The following IGSF10 variants were observed in gnomAD, a reference collection of about 807,000 sequenced individuals.
IGSF10 encodes the protein immunoglobulin superfamily member 10.
In IGSF10, 126 loss-of-function variants were observed where a neutral mutation model predicts 128.2. That is an observed-to-expected ratio of 0.98 (90% CI 0.85 to 1.14). IGSF10 has a LOEUF of 1.14. IGSF10 is among the 50% of genes most tolerant of loss of function. The pLI is 0.00. For missense variants in IGSF10, 3,295 were observed against 3,149.8 expected (o/e 1.05, Z -1.10); for synonymous variants, 1,185 against 1,146.2 (o/e 1.03, Z -0.68).
chr3:151,592,613 C>T, the IGSF10 span, among the ~76,000 whole-genome samples: 2 of 152,176 alleles, frequency 1.3e-5, no homozygotes, highest in African/African-American at 2.4e-5. Flanking sequence ...TGGGAGATAT[C>T]ACCTCATTCC....
intron 7 of IGSF10, chr3:151,440,652 A>G (rs756687088): frequency 6.6e-6 from 3 of 456,680 alleles, no homozygotes; most frequent in South Asian, 4.6e-5. Flanking sequence ...TGCTTTCTAA[A>G]AGTATTGGTT....
chr3:151,517,485 T>A, the IGSF10 span, among the ~76,000 whole-genome samples: 3 of 151,960 alleles, frequency 2.0e-5, no homozygotes, highest in African/African-American at 7.2e-5. Context: ...GTTTTAAATC[T>A]TTGCATGCAG....
At chr3:151,563,104 C>T in the IGSF10 span, among the ~76,000 whole-genome samples, 4 of 123,774 alleles carry the variant, frequency 3.2e-5, no homozygotes, top group South Asian at 6.1e-4. Flanking sequence ...GAACTCCTAA[C>T]ACACATTTTT....
At chr3:151,539,671 C>T in the IGSF10 span, among the ~76,000 whole-genome samples, 1 of 152,152 alleles carries the variant, frequency 6.6e-6, no homozygotes, top group Non-Finnish European at 1.5e-5. Context: ...CCACCTCCAA[C>T]ACCCAGCTGG....
At chr3:151,514,792 C>G in the IGSF10 span, among the ~76,000 whole-genome samples, 6 of 152,046 alleles carry the variant, frequency 3.9e-5, no homozygotes, top group Non-Finnish European at 7.4e-5. Context: ...ACAACCCCAT[C>G]AAAAAGTGGG....
the IGSF10 span, among the ~76,000 whole-genome samples, chr3:151,595,844 A>T: frequency 2.6e-5 from 4 of 152,024 alleles, no homozygotes; most frequent in Non-Finnish European, 4.4e-5. Context: ...ACAAAGTTGC[A>T]GTTACGTAGT....
chr3:151,507,132 G>A, the IGSF10 span, among the ~76,000 whole-genome samples: 3 of 152,156 alleles, frequency 2.0e-5, no homozygotes, highest in African/African-American at 7.2e-5. Context: ...CTGCAAGCCA[G>A]AATCAAGTCC....
chr3:151,508,640 T>C, the IGSF10 span, among the ~76,000 whole-genome samples: 1 of 152,208 alleles, frequency 6.6e-6, no homozygotes, highest in Non-Finnish European at 1.5e-5. Flanking sequence ...TTTTAAATCT[T>C]TGACATATTT....
chr3:151,604,463 T>C, the IGSF10 span, among the ~76,000 whole-genome samples: 2 of 152,010 alleles, frequency 1.3e-5, no homozygotes, highest in African/African-American at 4.8e-5. Flanking sequence ...AATCTTAAAC[T>C]TGATAAGCCT....
At chr3:151,606,368 C>T in the IGSF10 span, among the ~76,000 whole-genome samples, 1 of 152,074 alleles carries the variant, frequency 6.6e-6, no homozygotes, top group Non-Finnish European at 1.5e-5. Flanking sequence ...ATGCAAATTT[C>T]AGAAGTTTAA....
the IGSF10 span, among the ~76,000 whole-genome samples, chr3:151,599,037 GA>G: frequency 6.6e-6 from 1 of 152,184 alleles, no homozygotes; most frequent in Non-Finnish European, 1.5e-5. Context: ...GAGAAGTGGT[GA>G]AATGGTGATT....
At chr3:151,597,839 C>T in the IGSF10 span, among the ~76,000 whole-genome samples, 3 of 151,938 alleles carry the variant, frequency 2.0e-5, no homozygotes, top group African/African-American at 7.3e-5. Flanking sequence ...ATCCCTTGAA[C>T]CCGGGAGGCG....
chr3:151,539,026 A>G, the IGSF10 span, among the ~76,000 whole-genome samples: 6 of 152,206 alleles, frequency 3.9e-5, no homozygotes, highest in Non-Finnish European at 8.8e-5. Flanking sequence ...TTTTAAAAAC[A>G]CTGGAAGAGG....
chr3:151,489,584 A>T, the IGSF10 span, among the ~76,000 whole-genome samples: 46,317 of 152,086 alleles, frequency 0.3, 7,747 homozygotes, highest in Middle Eastern at 0.41. Context: ...AATGCCATCA[A>T]TGATAGACTA....
chr3:151,618,143 A>G, the IGSF10 span, among the ~76,000 whole-genome samples: 2 of 152,132 alleles, frequency 1.3e-5, no homozygotes, highest in Non-Finnish European at 2.9e-5. Flanking sequence ...ACCTTGTAAG[A>G]AGAGACACAA....
chr3:151,439,177 C>T (rs1479413169), intron 7 of IGSF10, among the ~76,000 whole-genome samples: 3 of 152,214 alleles, frequency 2.0e-5, no homozygotes, highest in African/African-American at 7.2e-5. Flanking sequence ...GACCATTTCA[C>T]ATACCAAGTA....
the IGSF10 span, among the ~76,000 whole-genome samples, chr3:151,508,632 T>A: frequency 6.6e-6 from 1 of 152,184 alleles, no homozygotes; most frequent in Non-Finnish European, 1.5e-5. Context: ...GTCAAATATT[T>A]TAAATCTTTG....
chr3:151,578,844 T>G, the IGSF10 span, among the ~76,000 whole-genome samples: 1 of 152,206 alleles, frequency 6.6e-6, no homozygotes, highest in African/African-American at 2.4e-5. Flanking sequence ...AGTTTACTAC[T>G]GCTGGTCAAG....
At chr3:151,474,785 A>G in the IGSF10 span, among the ~76,000 whole-genome samples, 78,744 of 152,086 alleles carry the variant, frequency 0.52, 21,045 homozygotes, top group African/African-American at 0.64. Flanking sequence ...AGAAGGCAAG[A>G]AGGAGCAAGT....
Sources: allele counts gnomAD v4.1 joint callset (sites outside exome capture counted in the v4.1 genomes callset), GRCh38; gene constraint gnomAD v4.1.1; transcripts MANE v1.5; gene names NCBI Gene and HGNC (gene_info 2026-07-23, HGNC 2026-07-21).